The following PRKCH variants were observed in gnomAD, a reference collection of about 807,000 sequenced individuals.
PRKCH encodes the protein protein kinase C eta type.
In PRKCH, 28 loss-of-function variants were observed where a neutral mutation model predicts 82.5. The observed-to-expected ratio is 0.34, with a 90% CI of 0.25 to 0.47. The LOEUF is 0.47. PRKCH is among the 20% of genes least tolerant of loss of function. PRKCH has a pLI of 1.00. For synonymous variants in PRKCH, 322 were observed against 327.4 expected (o/e 0.98, Z 0.18); for missense variants, 705 against 881.8 (o/e 0.80, Z 2.54).
At chr14:61,340,068 G>C (rs1337842440) in intron 1 of PRKCH, among the ~76,000 whole-genome samples, 1 of 151,648 alleles carries the variant, frequency 6.6e-6, no homozygotes, top group East Asian at 2.0e-4. Context: ...CTATCCTTTT[G>C]AGGTGGGGCA....
chr14:61,194,238 A>C, intron 1 of PRKCH, among the ~76,000 whole-genome samples: 1 of 152,250 alleles, frequency 6.6e-6, no homozygotes, highest in East Asian at 1.9e-4. Context: ...TAATACTTCT[A>C]GGACAATGAA....
intron 9 of PRKCH, among the ~76,000 whole-genome samples, chr14:61,471,297 C>T (rs1885494107): frequency 6.6e-6 from 1 of 152,196 alleles, no homozygotes; most frequent in Non-Finnish European, 1.5e-5. Context: ...GGTTTGAAGC[C>T]TGGAGAGAAT....
intron 2 of PRKCH, 79 bp downstream of exon 2, chr14:61,391,367 T>C (rs893155225): frequency 8.1e-7 from 1 of 1,230,682 alleles, no homozygotes; most frequent in African/African-American, 1.6e-5. Context: ...TCATGGACAT[T>C]ATAAAAAAGA....
Position 61,485,480 on chromosome 14 carries a change from CCT to C in PRKCH, c.1279-17_1279-16del. The C allele has an allele frequency of 6.2e-7, 1 of 1,611,228 alleles. No individual in the cohort carries two copies. Among genetic ancestry groups the C allele is most frequent in the Middle Eastern group, 1.7e-4 (1 of 5,964 alleles). On this transcript the variant is annotated intron_variant, in intron 9 of 13. Coordinates refer to ENST00000332981, the MANE Select transcript of PRKCH (RefSeq NM_006255.5). The stretch of plus-strand genomic sequence containing the variant: ...GGTTAATTGCTACACCACATTGGGC[CCT>C]CTCTTGTGTTTGTATCCAGGATCGT...
chr14:61,456,111 G>T (rs529612262), intron 7 of PRKCH, among the ~76,000 whole-genome samples: 1 of 152,288 alleles, frequency 6.6e-6, no homozygotes, highest in African/African-American at 2.4e-5. Flanking sequence ...AATGTGCCAG[G>T]CACCAATCTA....
chr14:61,490,960 G>T lies in PRKCH; in HGVS notation c.1433+5304G>T, dbSNP rs1418775579. On this transcript the variant is annotated intron_variant, in intron 10 of 13. Transcript: ENST00000332981. ...CAAAAAAAAATGGTGTCTTGGGCCA[G>T]TGATGGATTTTACATGCCTGAGTTA... is the stretch of plus-strand genomic sequence containing the variant. 2.6e-5 allele frequency among the ~76,000 whole-genome samples: 4 copies of T among 152,066 alleles called. No individual in the cohort carries two copies. The East Asian group carries it at 7.7e-4, about 29-fold the overall frequency.
At position 61,430,616 on chromosome 14, in the gene PRKCH, C is replaced by A. The variant is rs564107599; in HGVS notation, c.428-12495C>A. Among the ~76,000 whole-genome samples, 13 of 152,296 alleles carry A rather than the reference C, an allele frequency of 8.5e-5. No homozygotes were observed. The East Asian group carries it at 1.7e-3, about 20-fold the overall frequency. ...CGGGGCAGGAGAGGCCCCCCTCCCC[C>A]ACAGGAATGTCAGGCAACCATCAGG... On this transcript the variant is annotated intron_variant, in intron 2 of 13. Coordinates refer to ENST00000332981, the MANE Select transcript of PRKCH (RefSeq NM_006255.5).
At chr14:61,281,360 C>A in intron 1 of PRKCH, 5 of 353,010 alleles carry the variant, frequency 1.4e-5, no homozygotes, top group Non-Finnish European at 1.6e-5. Flanking sequence ...CCCAGTTCCG[C>A]CTCCGCCCAG....
intron 12 of PRKCH, among the ~76,000 whole-genome samples, chr14:61,545,461 G>A (rs1170158565): frequency 3.3e-5 from 5 of 152,140 alleles, no homozygotes. Context: ...TGTCATCTGC[G>A]TATCCCCAAG....
intron 2 of PRKCH, among the ~76,000 whole-genome samples, chr14:61,440,555 G>A (rs1594708827): frequency 6.6e-6 from 1 of 152,050 alleles, no homozygotes; most frequent in African/African-American, 2.4e-5. Context: ...TTCTTTGACA[G>A]GTATTGTCAC....
At chr14:61,475,047 C>T (rs1316774636) in intron 9 of PRKCH, among the ~76,000 whole-genome samples, 1 of 152,112 alleles carries the variant, frequency 6.6e-6, no homozygotes, top group Non-Finnish European at 1.5e-5. Context: ...GCATAAGTGT[C>T]GAATTCATAC....
At chr14:61,250,238 A>AAAATAAAT (rs371406494) in intron 1 of PRKCH, among the ~76,000 whole-genome samples, 22,344 of 139,068 alleles carry the variant, frequency 0.16, 2,407 homozygotes, top group African/African-American at 0.28. Context: ...CTCAGTCTCA[A>AAAATAAAT]AAATAAATAA....
At chr14:61,363,709 TG>T (rs1324486040) in intron 1 of PRKCH, among the ~76,000 whole-genome samples, 1 of 151,918 alleles carries the variant, frequency 6.6e-6, no homozygotes, top group East Asian at 1.9e-4. Context: ...GTTAGAGCCA[TG>T]TGAGTAGGTT....
chr14:61,227,241 A>T (rs1160330968), intron 1 of PRKCH, among the ~76,000 whole-genome samples: 1 of 152,210 alleles, frequency 6.6e-6, no homozygotes, highest in Non-Finnish European at 1.5e-5. Context: ...GAAGTTTCTT[A>T]ACTGTTTTTC....
Position 61,542,827 on chromosome 14 carries a change from C to T in PRKCH, c.1762-4916C>T, listed in dbSNP as rs148186983. On this transcript the variant is annotated intron_variant, in intron 12 of 13. Transcript: ENST00000332981. ...AGAATTATGCTGCCACTGTTCACAG[C>T]GGTGGGAACAGAGTGTTTAGGGACA... Among the ~76,000 whole-genome samples, 145 of 152,270 alleles carry T rather than the reference C, an allele frequency of 9.5e-4. 1 individual carries two copies. The highest frequency in any genetic ancestry group is 3.1e-3 in the African/African-American group (130 of 41,552).
At chr14:61,413,615 T>C (rs548802065) in intron 2 of PRKCH, among the ~76,000 whole-genome samples, 1 of 152,240 alleles carries the variant, frequency 6.6e-6, no homozygotes, top group African/African-American at 2.4e-5. Context: ...TCACGAACTT[T>C]GCTTCCCTTT....
intron 4 of PRKCH, among the ~76,000 whole-genome samples, chr14:61,447,362 A>G (rs1884276841): frequency 6.6e-6 from 1 of 152,248 alleles, no homozygotes; most frequent in South Asian, 2.1e-4. Context: ...GGAGACTTCA[A>G]TATCTCAGTA....
At chr14:61,482,000 T>C (rs1885997247) in intron 9 of PRKCH, among the ~76,000 whole-genome samples, 1 of 144,768 alleles carries the variant, frequency 6.9e-6, no homozygotes, top group Non-Finnish European at 1.5e-5. Flanking sequence ...CTTTTTTTTT[T>C]TTTTTTTTTT....
chr14:61,319,888 C>G (rs1161985045), upstream of PRKCH, among the ~76,000 whole-genome samples: 1 of 152,226 alleles, frequency 6.6e-6, no homozygotes, highest in African/African-American at 2.4e-5. Context: ...CAGGCCCTTT[C>G]CCCCCTGGCC....
Sources: gnomAD v4.1 joint callset for allele counts (sites outside exome capture counted in the v4.1 genomes callset) on GRCh38, gnomAD v4.1.1 for gene constraint, MANE v1.5 for transcripts, NCBI Gene and HGNC (gene_info 2026-07-23, HGNC 2026-07-21) for gene names.